BABAM2: variants seen among roughly 807,000 people sequenced by gnomAD.
BABAM2 encodes BRISC and BRCA1 A complex member 2.
Under a neutral mutation model 54.7 loss-of-function variants are expected in BABAM2, and 31 were observed. The ratio of observed to expected loss-of-function variants is 0.57; its 90% CI spans 0.43 to 0.77. The LOEUF (loss-of-function observed/expected upper bound fraction) is 0.77. BABAM2 is among the 30% of genes least tolerant of loss of function. The pLI is 0.00. For missense variants in BABAM2, 364 were observed against 455.8 expected, an observed-to-expected ratio of 0.80 and a Z score of 1.83; for synonymous variants, 167 against 162.9, an observed-to-expected ratio of 1.03 and a Z score of -0.19.
intron 3 of BABAM2, among the ~76,000 whole-genome samples, chr2:27,946,105 T>C (rs373676737): frequency 1.3e-5 from 2 of 152,212 alleles, no homozygotes; most frequent in African/African-American, 4.8e-5. Context: ...TCTTGCCTTA[T>C]TCGCAGTCTT....
chr2:28,018,427 C>G (rs1238099230), intron 4 of BABAM2, among the ~76,000 whole-genome samples: 1 of 152,106 alleles, frequency 6.6e-6, no homozygotes, highest in Non-Finnish European at 1.5e-5. Flanking sequence ...TGGGCTGGTT[C>G]CCCATTTTTG....
At chr2:28,154,937 A>C (rs1009683404) in intron 7 of BABAM2, among the ~76,000 whole-genome samples, 4 of 151,984 alleles carry the variant, frequency 2.6e-5, no homozygotes, top group African/African-American at 9.7e-5. Flanking sequence ...TCTTTCACAG[A>C]CCCTGTTTTG....
intron 10 of BABAM2, among the ~76,000 whole-genome samples, chr2:28,263,377 A>C (rs993987602): frequency 6.6e-6 from 1 of 152,214 alleles, no homozygotes; most frequent in African/African-American, 2.4e-5. Flanking sequence ...ACTTGCCAGA[A>C]GTCCCATAGC....
chr2:28,171,196 C>G (rs1004545733), intron 7 of BABAM2, among the ~76,000 whole-genome samples: 8 of 151,906 alleles, frequency 5.3e-5, no homozygotes, highest in Admixed American at 3.9e-4. Flanking sequence ...GTTTAATCAT[C>G]CTTACTGATG....
intron 10 of BABAM2, among the ~76,000 whole-genome samples, chr2:28,279,191 T>G (rs1337753014): frequency 6.6e-6 from 1 of 152,114 alleles, no homozygotes; most frequent in Non-Finnish European, 1.5e-5. Flanking sequence ...AGTGGCCCCT[T>G]GGAGCCACTG....
chr2:28,265,272 C>T (rs1384773228), intron 10 of BABAM2, among the ~76,000 whole-genome samples: 1 of 152,126 alleles, frequency 6.6e-6, no homozygotes, highest in Non-Finnish European at 1.5e-5. Flanking sequence ...CCCGTCTCTA[C>T]AAAAATTAGC....
At chr2:27,968,540 C>T (rs568669646) in intron 3 of BABAM2, among the ~76,000 whole-genome samples, 1 of 152,326 alleles carries the variant, frequency 6.6e-6, no homozygotes, top group African/African-American at 2.4e-5. Flanking sequence ...CCTACTGGGG[C>T]ACCGCCTAGT....
chr2:27,925,117 A>C (rs1395625718), intron 2 of BABAM2, among the ~76,000 whole-genome samples: 1 of 152,146 alleles, frequency 6.6e-6, no homozygotes, highest in East Asian at 1.9e-4. Context: ...ATTACTCTTC[A>C]TACCCCTGTC....
chr2:28,235,867 C>G (rs769405587), intron 7 of BABAM2, among the ~76,000 whole-genome samples: 15 of 151,810 alleles, frequency 9.9e-5, no homozygotes, highest in Non-Finnish European at 2.1e-4. Flanking sequence ...CCTATGTTGC[C>G]CAAGCTGGTC....
At chr2:27,898,186 C>CT (rs1665493547) in intron 2 of BABAM2, among the ~76,000 whole-genome samples, 1 of 152,144 alleles carries the variant, frequency 6.6e-6, no homozygotes, top group African/African-American at 2.4e-5. Flanking sequence ...GTGCTCATCT[C>CT]TTTTTTTCTG....
At chr2:28,300,605 C>T (rs1006868631) in intron 11 of BABAM2, among the ~76,000 whole-genome samples, 6 of 152,044 alleles carry the variant, frequency 3.9e-5, no homozygotes, top group African/African-American at 1.4e-4. Flanking sequence ...CCAGATGTGT[C>T]TTTGTGGTTT....
intron 5 of BABAM2, among the ~76,000 whole-genome samples, chr2:28,026,854 A>ATC (rs1675774922): frequency 1.3e-5 from 1 of 79,270 alleles, no homozygotes; most frequent in South Asian, 2.9e-4. Flanking sequence ...ATATATATTT[A>ATC]TATATATAGA....
At chr2:27,974,555 C>T (rs1259955826) in intron 3 of BABAM2, among the ~76,000 whole-genome samples, 3 of 152,036 alleles carry the variant, frequency 2.0e-5, no homozygotes, top group Non-Finnish European at 2.9e-5. Flanking sequence ...AAAATCTGTT[C>T]ATAATAAATA....
intron 6 of BABAM2, among the ~76,000 whole-genome samples, chr2:28,110,210 G>A (rs189468580): frequency 1.7e-5 from 2 of 115,080 alleles, no homozygotes; most frequent in Admixed American, 7.8e-5. Context: ...TTCTTTTTTT[G>A]TAAGGCTGGA....
chr2:28,102,263 A>C lies in BABAM2; in HGVS notation c.571-27008A>C, dbSNP rs145574093. On this transcript the variant is annotated intron_variant, in intron 6 of 11. Coordinates refer to ENST00000379624, the MANE Select transcript of BABAM2 (RefSeq NM_199191.3). ...GGTAATACATGTCCCTTTTTCCCTCAATACCAGAGAAAGAATTGGTTTCAG... is the reference window on the plus strand; with the variant it reads ...GGTAATACATGTCCCTTTTTCCCTCCATACCAGAGAAAGAATTGGTTTCAG... 7.6e-3 allele frequency among the ~76,000 whole-genome samples: 1,163 copies of C among 152,286 alleles called. 15 individuals are homozygous for C. Among genetic ancestry groups the C allele is most frequent in the African/African-American group, 0.027 (1,125 of 41,568 alleles).
At chr2:28,302,342 A>T (rs1375656455) in intron 11 of BABAM2, among the ~76,000 whole-genome samples, 4 of 151,742 alleles carry the variant, frequency 2.6e-5, no homozygotes, top group Non-Finnish European at 4.4e-5. Flanking sequence ...TGTTGAACCC[A>T]GGAGGCGGAG....
intron 6 of BABAM2, among the ~76,000 whole-genome samples, chr2:28,065,374 G>T (rs1679230859): frequency 6.6e-6 from 1 of 152,196 alleles, no homozygotes; most frequent in African/African-American, 2.4e-5. Context: ...ATGGCTAGCA[G>T]CAAATTATAA....
At chr2:28,299,050 T>G (rs984494989) in intron 11 of BABAM2, among the ~76,000 whole-genome samples, 1 of 152,236 alleles carries the variant, frequency 6.6e-6, no homozygotes, top group Non-Finnish European at 1.5e-5. Context: ...AGCCGGTAGC[T>G]ACTCTTTCAT....
intron 6 of BABAM2, among the ~76,000 whole-genome samples, chr2:28,079,236 G>A (rs1664952534): frequency 6.6e-6 from 1 of 152,172 alleles, no homozygotes; most frequent in Admixed American, 6.5e-5. Context: ...AAGGGGATGA[G>A]AAAGGTAAGG....
Sources: allele counts gnomAD v4.1 joint callset (sites outside exome capture counted in the v4.1 genomes callset), GRCh38; gene constraint gnomAD v4.1.1; transcripts MANE v1.5; gene names NCBI Gene and HGNC (gene_info 2026-07-23, HGNC 2026-07-21).